LRP1B: variants seen among roughly 807,000 people sequenced by gnomAD.
LRP1B encodes low-density lipoprotein receptor-related protein 1B.
In LRP1B, 217 loss-of-function variants were observed where a neutral mutation model predicts 556.6. The observed-to-expected ratio is 0.39, with a 90% confidence interval of 0.35 to 0.44. The LOEUF (loss-of-function observed/expected upper bound fraction) is 0.44, where lower values mean the gene tolerates loss of function less well. Ranked by LOEUF, LRP1B falls within the 20% of genes least tolerant of loss-of-function variation. The pLI is 1.00. For synonymous variants in LRP1B, 2,047 were observed against 1,865.8 expected (o/e 1.10, Z -2.50); for missense variants, 5,053 against 5,620.8 (o/e 0.90, Z 3.23).
chr2:141,458,644 A>T (rs1360616579), intron 3 of LRP1B, among the ~76,000 whole-genome samples: 2 of 150,716 alleles, frequency 1.3e-5, no homozygotes, highest in Admixed American at 6.6e-5. Flanking sequence ...TCCCTATCTC[A>T]TTTTTTTTTT....
chr2:141,525,728 A>G (rs1430300633), intron 2 of LRP1B, among the ~76,000 whole-genome samples: 2 of 151,964 alleles, frequency 1.3e-5, no homozygotes, highest in Non-Finnish European at 2.9e-5. Flanking sequence ...ATACATACAT[A>G]ATATTGACAA....
At chr2:140,862,496 C>T (rs1692828788) in intron 27 of LRP1B, among the ~76,000 whole-genome samples, 1 of 152,164 alleles carries the variant, frequency 6.6e-6, no homozygotes, top group Non-Finnish European at 1.5e-5. Context: ...AATACATTTG[C>T]TGACCCTCTC....
intron 1 of LRP1B, among the ~76,000 whole-genome samples, chr2:142,102,691 C>T (rs2104972182): frequency 6.6e-6 from 1 of 151,806 alleles, no homozygotes; most frequent in South Asian, 2.1e-4. Context: ...CATGGAAGAT[C>T]TAGAAAACAG....
At chr2:141,142,131 C>T (rs2105058507) in intron 7 of LRP1B, among the ~76,000 whole-genome samples, 1 of 151,974 alleles carries the variant, frequency 6.6e-6, no homozygotes, top group South Asian at 2.1e-4. Context: ...AATTATCTTC[C>T]AAACTCCTTT....
At chr2:141,331,541 T>TTTTCTTTCTTTCTTTC (rs1553497576) in intron 3 of LRP1B, among the ~76,000 whole-genome samples, 3 of 144,744 alleles carry the variant, frequency 2.1e-5, no homozygotes, top group African/African-American at 8.2e-5. Flanking sequence ...TCTTTCTTTC[T>TTTTCTTTCTTTCTTTC]TTCTTTCTTT....
intron 62 of LRP1B, 61 bp downstream of exon 62, chr2:140,456,394 A>G (rs554212023): frequency 2.0e-6 from 3 of 1,501,958 alleles, no homozygotes; most frequent in Non-Finnish European, 1.8e-6. Context: ...ATGTTATGCT[A>G]AACAAAAGAG....
chr2:142,124,322 A>G (rs1707563651), intron 1 of LRP1B, among the ~76,000 whole-genome samples: 1 of 151,798 alleles, frequency 6.6e-6, no homozygotes, highest in South Asian at 2.1e-4. Flanking sequence ...GGGTATACTC[A>G]TTTATTTATT....
At chr2:141,672,311 T>A (rs1462102776) in intron 2 of LRP1B, among the ~76,000 whole-genome samples, 1 of 152,038 alleles carries the variant, frequency 6.6e-6, no homozygotes, top group Non-Finnish European at 1.5e-5. Flanking sequence ...CCCAGTAGCA[T>A]TTTTGATTTA....
chr2:140,902,304 T>A (rs1460591395), intron 23 of LRP1B, among the ~76,000 whole-genome samples: 2 of 152,004 alleles, frequency 1.3e-5, no homozygotes, highest in Non-Finnish European at 1.5e-5. Flanking sequence ...ACGCTACTCT[T>A]ACAACATGCT....
At chr2:141,214,768 C>G (rs1682723503) in intron 6 of LRP1B, among the ~76,000 whole-genome samples, 2 of 152,054 alleles carry the variant, frequency 1.3e-5, no homozygotes, top group Admixed American at 1.3e-4. Flanking sequence ...AGAGACCAAG[C>G]CTGAATAAAA....
intron 1 of LRP1B, among the ~76,000 whole-genome samples, chr2:142,008,738 G>A (rs551838822): frequency 6.6e-6 from 1 of 151,788 alleles, no homozygotes; most frequent in Non-Finnish European, 1.5e-5. Context: ...CAGGAAATTG[G>A]ATATGTCCCC....
Position 140,537,043 on chromosome 2 carries a change from C to T in LRP1B, c.7514-334G>A, listed in dbSNP as rs531014258. 4.9e-4 allele frequency among the ~76,000 whole-genome samples: 74 copies of T among 150,672 alleles called. No individual in the cohort carries two copies. The East Asian group carries it at 5.9e-3, about 12-fold the overall frequency. On this transcript the variant is annotated intron_variant, in intron 45 of 90. Transcript: ENST00000389484. ...AAAATTAGCCAGGCATGGTGGCACG[C>T]GCCTGTAGTCCCAGCTACTTGGGAG...
chr2:140,603,746 A>G (rs1016425117), intron 41 of LRP1B, among the ~76,000 whole-genome samples: 10 of 152,160 alleles, frequency 6.6e-5, no homozygotes, highest in African/African-American at 2.4e-4. Flanking sequence ...TAGATGATAA[A>G]CAGAAATTAC....
intron 1 of LRP1B, among the ~76,000 whole-genome samples, chr2:142,035,777 A>C (rs1044266092): frequency 4.0e-5 from 6 of 151,554 alleles, no homozygotes; most frequent in Non-Finnish European, 7.4e-5. Flanking sequence ...TTACACCACG[A>C]TATGGTTTCG....
At chr2:141,594,244 T>TG (rs1687437870) in intron 2 of LRP1B, among the ~76,000 whole-genome samples, 1 of 152,084 alleles carries the variant, frequency 6.6e-6, no homozygotes, top group Non-Finnish European at 1.5e-5. Context: ...ACTCACTCTC[T>TG]GGTGTGTGTG....
intron 3 of LRP1B, among the ~76,000 whole-genome samples, chr2:141,287,221 T>C (rs1685754184): frequency 6.6e-6 from 1 of 152,154 alleles, no homozygotes; most frequent in South Asian, 2.1e-4. Flanking sequence ...TTATTTCAGT[T>C]CTTCTCATTC....
At chr2:140,371,065 T>C in intron 70 of LRP1B, 114 bp downstream of exon 70, 1 of 841,150 alleles carries the variant, frequency 1.2e-6, no homozygotes, top group Non-Finnish European at 1.8e-6. Context: ...TGTACATATC[T>C]AACATGTTAA....
intron 3 of LRP1B, among the ~76,000 whole-genome samples, chr2:141,421,655 A>G (rs1361927205): frequency 6.6e-6 from 1 of 152,230 alleles, no homozygotes; most frequent in African/African-American, 2.4e-5. Flanking sequence ...GAACAGACAT[A>G]TCTTACTATT....
chr2:140,406,175 A>G (rs1331060023), intron 66 of LRP1B, among the ~76,000 whole-genome samples: 2 of 152,310 alleles, frequency 1.3e-5, no homozygotes, highest in East Asian at 3.9e-4. Context: ...TAAACTAGTC[A>G]TAGACGGAAC....
Sources: allele counts gnomAD v4.1 joint callset (sites outside exome capture counted in the v4.1 genomes callset), GRCh38; gene constraint gnomAD v4.1.1; transcripts MANE v1.5; gene names NCBI Gene and HGNC (gene_info 2026-07-23, HGNC 2026-07-21).